CDC42BPB: variants seen among roughly 807,000 people sequenced by gnomAD.
CDC42BPB encodes CDC42 binding protein kinase beta, also known as serine/threonine-protein kinase MRCK beta.
A neutral mutation model predicts 214.9 loss-of-function variants in CDC42BPB; 37 were observed. That is an observed-to-expected ratio of 0.17 (90% CI 0.13 to 0.23). CDC42BPB has a LOEUF of 0.23. Ranked by LOEUF, CDC42BPB falls within the 10% of genes least tolerant of loss-of-function variation. The pLI is 1.00. For missense variants in CDC42BPB, 1,694 were observed against 2,227.0 expected, an observed-to-expected ratio of 0.76 and a Z score of 4.82; for synonymous variants, 931 against 884.0, an observed-to-expected ratio of 1.05 and a Z score of -0.94.
intron 1 of CDC42BPB, among the ~76,000 whole-genome samples, chr14:103,038,206 A>G (rs8023236): frequency 1 from 151,104 of 151,124 alleles, 75,542 homozygotes; most frequent in Middle Eastern, 1. Flanking sequence ...ATGGTGGCAC[A>G]TGCCTGTAGT....
Position 103,041,551 on chromosome 14 carries a change from G to T in CDC42BPB, c.175+15448C>A. On this transcript the variant is annotated intron_variant, in intron 1 of 36. Coordinates refer to ENST00000361246, the MANE Select transcript of CDC42BPB (RefSeq NM_006035.4). ...TCGTGGCCACATGGTTCAACCAGCC[G>T]GCCCGAAGATCCGCAGATGCAAGGC... is the stretch of plus-strand genomic sequence containing the variant. 2.2e-6 allele frequency: 3 copies of T among 1,340,200 alleles called. No homozygotes were observed. The South Asian group carries it at 3.7e-5, about 17-fold the overall frequency. The allele number at this position is 1,340,200 out of a possible 1,614,324, so 83.0% of individuals were successfully genotyped here. A position where few individuals can be genotyped will look rare whatever the true frequency, so the allele number is the denominator to read the frequency against.
intron 9 of CDC42BPB, among the ~76,000 whole-genome samples, chr14:102,977,224 A>G (rs1977233): frequency 0.9 from 137,386 of 151,814 alleles, 62,435 homozygotes; most frequent in African/African-American, 0.98. Context: ...CTGTAGTCCC[A>G]GCTACTCAGG....
At chr14:103,037,289 G>A (rs1482561454) in intron 1 of CDC42BPB, among the ~76,000 whole-genome samples, 1 of 151,892 alleles carries the variant, frequency 6.6e-6, no homozygotes, top group Admixed American at 6.6e-5. Flanking sequence ...ATTTTATCAT[G>A]AGCACGCTTT....
rs33999923 is a variant in CDC42BPB, at chr14:102,975,375, T to C, written c.1507+309A>G. Among the ~76,000 whole-genome samples, 79 of 152,160 alleles carry C rather than the reference T, an allele frequency of 5.2e-4. 1 individual carries two copies. In the East Asian group the frequency reaches 0.012, roughly 23 times the overall value. ...CCTGTCTCTACTAAAAATACAAAAT[T>C]AGCCGGGTGTGGTGGCACATGCCTG... On this transcript the variant is annotated intron_variant, in intron 11 of 36. Transcript: ENST00000361246.
chr14:102,953,489 G>A (rs1022376938), intron 23 of CDC42BPB, among the ~76,000 whole-genome samples: 1 of 152,224 alleles, frequency 6.6e-6, no homozygotes, highest in South Asian at 2.1e-4. Flanking sequence ...GGCTTCTTAC[G>A]TCCAGCCGGC....
chr14:103,004,029 A>G lies in CDC42BPB; in HGVS notation c.352-6T>C. On this transcript the variant is annotated splice_region_variant and splice_polypyrimidine_tract_variant and intron_variant, in intron 3 of 36. Coordinates refer to ENST00000361246, the MANE Select transcript of CDC42BPB (RefSeq NM_006035.4). This position sits in a 1 kb window ranked among gnomAD's most constrained non-coding sequence, Gnocchi z 5.3. ...TCCTCTCGGAAGCACGCGGTCTGCA[A>G]AGCAACGAGGGGTGTCAGTCTGTGT... 6.3e-7 allele frequency: 1 copy of G among 1,595,568 alleles called. No homozygotes were observed. Among genetic ancestry groups the G allele is most frequent in the Non-Finnish European group, 8.5e-7 (1 of 1,175,760 alleles).
At chr14:103,013,474 T>C (rs915771197) in intron 1 of CDC42BPB, among the ~76,000 whole-genome samples, 2 of 152,212 alleles carry the variant, frequency 1.3e-5, no homozygotes, top group Non-Finnish European at 2.9e-5. Context: ...GGCTGGATAG[T>C]GTCCCCAGCA....
chr14:102,944,517 C>T lies in CDC42BPB; in HGVS notation c.3812-30G>A, dbSNP rs368854329. 1.8e-5 allele frequency: 28 copies of T among 1,588,444 alleles called. No homozygotes were observed. The highest frequency in any genetic ancestry group is 6.8e-5 in the Admixed American group (4 of 58,508). ...GGCAAGGAGGACAAGAGCGTGAGGC[C>T]GACGGGACAGCCAGCAGCTCCCAGG... is the stretch of plus-strand genomic sequence containing the variant. On this transcript the variant is annotated intron_variant, in intron 29 of 36. Transcript: ENST00000361246. The surrounding 1 kb of genome is among the most constrained non-coding windows in gnomAD (Gnocchi z 6.6).
chr14:102,994,334 G>A (rs191385338), intron 5 of CDC42BPB, among the ~76,000 whole-genome samples: 147 of 152,110 alleles, frequency 9.7e-4, no homozygotes, highest in Middle Eastern at 3.4e-3. Context: ...CATCTGCGCC[G>A]TATAATTCTG....
rs1368339319 is a variant in CDC42BPB, at chr14:102,964,763, A to T, written c.2578-113T>A. 3.7e-6 allele frequency: 5 copies of T among 1,369,554 alleles called. No homozygotes were observed. In the African/African-American group the frequency reaches 7.5e-5, roughly 21 times the overall value. 84.8% of individuals were successfully genotyped at this position (1,369,554 alleles called of 1,614,324 possible). A position where few individuals can be genotyped will look rare whatever the true frequency, so the allele number is the denominator to read the frequency against. ...CTTAAGCCATTACGGTCTCATTTAG[A>T]TATTAACTCTAAATTATGGAGGTGC... On this transcript the variant is annotated intron_variant, in intron 18 of 36. Coordinates refer to ENST00000361246, the MANE Select transcript of CDC42BPB (RefSeq NM_006035.4).
At chr14:102,964,395 G>T in intron 19 of CDC42BPB, 107 bp downstream of exon 19, 1 of 1,353,380 alleles carries the variant, frequency 7.4e-7, no homozygotes, top group Non-Finnish European at 1.0e-6. Flanking sequence ...CAAACGCCGT[G>T]GCCCCGATTT....
chr14:103,002,419 C>T (rs1895029867), intron 4 of CDC42BPB, among the ~76,000 whole-genome samples: 1 of 152,176 alleles, frequency 6.6e-6, no homozygotes, highest in Admixed American at 6.5e-5. Flanking sequence ...CCTGGCAACA[C>T]CTAACATTTC....
At chr14:103,035,777 T>C (rs532694756) in intron 1 of CDC42BPB, among the ~76,000 whole-genome samples, 1 of 151,982 alleles carries the variant, frequency 6.6e-6, no homozygotes, top group South Asian at 2.1e-4. Context: ...GAGGCGGAGC[T>C]TGCAGTGAGC....
Position 102,943,801 on chromosome 14 carries a change from TG to T in CDC42BPB, c.4408+89del. ...CTCTGTGACTACTCAACTAAGGGAC[TG>T]GAAGACAAACCAAAGCAAAATCGAA... On this transcript the variant is annotated intron_variant, in intron 30 of 36. Transcript: ENST00000361246. The surrounding 1 kb of genome is among the most constrained non-coding windows in gnomAD (Gnocchi z 4.6). The T allele has an allele frequency of 8.3e-7, 1 of 1,207,278 alleles. No individual in the cohort carries two copies. Among genetic ancestry groups the T allele is most frequent in the Non-Finnish European group, 1.2e-6 (1 of 858,762 alleles). 74.8% of individuals were successfully genotyped at this position (1,207,278 alleles called of 1,614,324 possible).
chr14:103,025,218 G>A (rs1886984257), intron 1 of CDC42BPB, among the ~76,000 whole-genome samples: 1 of 152,072 alleles, frequency 6.6e-6, no homozygotes, highest in Admixed American at 6.6e-5. Context: ...ATTCAAGTAA[G>A]CAATTCTTTC....
intron 19 of CDC42BPB, among the ~76,000 whole-genome samples, chr14:102,964,187 C>T (rs558045205): frequency 6.6e-6 from 1 of 152,250 alleles, no homozygotes; most frequent in African/African-American, 2.4e-5. Context: ...AGAGGGGCTC[C>T]TGTCAGACAG....
Position 103,003,907 on chromosome 14 carries a change from G to A in CDC42BPB, c.447+21C>T, listed in dbSNP as rs373649464. ...AAGCCGGAGCGAATGCCCTGACCGA[G>A]TCTCTGGCTGTGCGACCTACCAGGT... On this transcript the variant is annotated intron_variant, in intron 4 of 36. Transcript: ENST00000361246. 6 of 1,591,122 alleles carry A rather than the reference G, an allele frequency of 3.8e-6. No homozygotes were observed. The African/African-American group carries it at 8.0e-5, about 21-fold the overall frequency.
intron 5 of CDC42BPB, among the ~76,000 whole-genome samples, chr14:102,998,549 T>A (rs1894842059): frequency 6.6e-6 from 1 of 152,124 alleles, no homozygotes; most frequent in South Asian, 2.1e-4. Flanking sequence ...AATCTTTGAG[T>A]CTCAGGACAA....
At chr14:103,050,594 C>CA (rs1888544204) in intron 1 of CDC42BPB, among the ~76,000 whole-genome samples, 2 of 151,744 alleles carry the variant, frequency 1.3e-5, no homozygotes, top group South Asian at 2.1e-4. Flanking sequence ...CTCGTTTCCA[C>CA]AAAAAATAAA....
Sources: allele counts gnomAD v4.1 joint callset (sites outside exome capture counted in the v4.1 genomes callset), GRCh38; gene constraint gnomAD v4.1.1; non-coding constraint Gnocchi (gnomAD v3.1); transcripts MANE v1.5; gene names NCBI Gene and HGNC (gene_info 2026-07-23, HGNC 2026-07-21).